ZNF226: variants seen among roughly 807,000 people sequenced by gnomAD.
ZNF226 encodes Kruppel-associated box protein.
A neutral mutation model predicts 11.4 loss-of-function variants in ZNF226; 6 were observed. The observed-to-expected ratio is 0.53, with a 90% confidence interval of 0.29 to 1.04. ZNF226 has a LOEUF of 1.04. Ranked by LOEUF, ZNF226 falls within the 50% of genes least tolerant of loss-of-function variation. The pLI is 0.08. For synonymous variants in ZNF226, 350 were observed against 322.8 expected (o/e 1.08, Z -0.90); for missense variants, 1,058 against 956.5 (o/e 1.11, Z -1.40).
In ZNF226 at chr19:44,170,166, C is replaced by T. The variant is rs565908285; in HGVS notation, c.15+71C>T. 128 of 1,532,192 alleles carry T rather than the reference C, an allele frequency of 8.4e-5. No homozygotes were observed. The African/African-American group carries it at 1.6e-3, about 20-fold the overall frequency. 94.9% of individuals were successfully genotyped at this position (1,532,192 alleles called of 1,614,324 possible). On this transcript the variant is annotated intron_variant, in intron 3 of 5. Coordinates refer to ENST00000337433, the MANE Select transcript of ZNF226 (RefSeq NM_001032373.2). Reference sequence around the variant, plus strand: ...TACTCAGAGATGGAACCAGGTTTTTCTTTTTCAAGTAAGAGTCAAGGCATC... The same window carrying T: ...TACTCAGAGATGGAACCAGGTTTTTTTTTTTCAAGTAAGAGTCAAGGCATC...
At chr19:44,180,166 G>C (rs552248894), downstream of ZNF226, among the ~76,000 whole-genome samples, 13 of 149,158 alleles carry the variant, frequency 8.7e-5, no homozygotes, top group South Asian at 2.2e-4. Flanking sequence ...TGTAATTTTT[G>C]AGGTAAAATT....
chr19:44,167,879 G>A (rs1252600162), intron 2 of ZNF226: 4 of 152,206 alleles, frequency 2.6e-5, no homozygotes, highest in Non-Finnish European at 4.4e-5. Flanking sequence ...CAATTAGGAG[G>A]ACCCTGGTTA....
the ZNF226 span, among the ~76,000 whole-genome samples, chr19:44,188,792 A>G: frequency 1.3e-5 from 2 of 152,232 alleles, no homozygotes; most frequent in Admixed American, 6.5e-5. Flanking sequence ...GAAGAGACAG[A>G]GTCTCTCTAA....
chr19:44,185,208 G>A, the ZNF226 span, among the ~76,000 whole-genome samples: 2 of 152,156 alleles, frequency 1.3e-5, no homozygotes, highest in South Asian at 2.1e-4. Context: ...TGGCTATAAT[G>A]CTGTGATGAA....
Position 44,172,935 on chromosome 19 carries a change from G to C in ZNF226, c.218G>C (p.Arg73Pro). 6.2e-7 allele frequency: 1 copy of C among 1,600,404 alleles called. No individual in the cohort carries two copies. The highest frequency in any genetic ancestry group is 1.1e-5 in the South Asian group (1 of 88,142). The change falls in exon 5 of 6, where the codon CGA (arginine) becomes CCA (proline). Residue 73 changes from arginine (R) to proline (P), a missense_variant. Coordinates refer to ENST00000337433, the MANE Select transcript of ZNF226 (RefSeq NM_001032373.2). Reference protein sequence around the residue: ...EQLWIMTTATRRQGNLGEKNQ... With the variant: ...EQLWIMTTATPRQGNLGEKNQ... Reference sequence around the variant, plus strand: ...CTTTGGATAATGACGACAGCAACCCGAAGACAGGGAAATTTAGGTAAAAAC... The same window carrying C: ...CTTTGGATAATGACGACAGCAACCCCAAGACAGGGAAATTTAGGTAAAAAC...
chr19:44,176,977 C>G lies in ZNF226; in HGVS notation c.1715C>G (p.Ser572Ter), dbSNP rs116372639. The G allele has an allele frequency of 1.2e-6, 2 of 1,613,836 alleles. No individual in the cohort carries two copies. Among genetic ancestry groups the G allele is most frequent in the African/African-American group, 1.3e-5 (1 of 74,894 alleles). ...TGTGGGCAGGGTTTCAATCAGAGCT[C>G]ACGACTTCAGATTCACCAGCTGATC... is the stretch of plus-strand genomic sequence containing the variant. ...EECGQGFNQS[S>*]RLQIHQLIHT... The change falls in exon 6 of 6, where the codon TCA becomes TGA. Residue 572 changes from serine to a stop codon, truncating the protein, a stop_gained. Coordinates refer to ENST00000337433, the MANE Select transcript of ZNF226 (RefSeq NM_001032373.2). LOFTEE classifies it low-confidence loss of function (END_TRUNC).
chr19:44,184,606 C>G, the ZNF226 span, among the ~76,000 whole-genome samples: 2 of 151,510 alleles, frequency 1.3e-5, no homozygotes, highest in Non-Finnish European at 2.9e-5. Context: ...TTCTAAAGGA[C>G]CAGTGGTATC....
chr19:44,171,929 A>G (rs1970142541), intron 3 of ZNF226, among the ~76,000 whole-genome samples, 159 bp from the exon 4 acceptor site: 1 of 152,216 alleles, frequency 6.6e-6, no homozygotes, highest in Non-Finnish European at 1.5e-5. Context: ...TCACAGCAGC[A>G]CTTTTGGTAA....
At position 44,172,173 on chromosome 19, in the gene ZNF226, G is replaced by A. The variant is rs1051775895; in HGVS notation, c.101G>A (p.Arg34Gln). ...GGCCCTGCCCAGAGGAAGCTGTACC[G>A]AGATGTGATGGTGGAGAACTTTAGG... Reference protein sequence around the residue: ...LLGPAQRKLYRDVMVENFRNL... With the variant: ...LLGPAQRKLYQDVMVENFRNL... The change falls in exon 4 of 6, where the codon CGA (arginine) becomes CAA (glutamine). Residue 34 changes from arginine to glutamine, a missense_variant. Transcript: ENST00000337433. 1.9e-6 allele frequency: 3 copies of A among 1,612,822 alleles called. No homozygotes were observed. Among genetic ancestry groups the A allele is most frequent in the East Asian group, 4.5e-5 (2 of 44,796 alleles).
chr19:44,192,764 G>A, the ZNF226 span, among the ~76,000 whole-genome samples: 2 of 152,028 alleles, frequency 1.3e-5, no homozygotes, highest in African/African-American at 2.4e-5. Context: ...TTCAGAAGAC[G>A]GCTGAAAATT....
chr19:44,172,363 G>A (rs2122392730), intron 4 of ZNF226, 149 bp downstream of exon 4: 1 of 1,022,586 alleles, frequency 9.8e-7, no homozygotes, highest in East Asian at 2.8e-5. Flanking sequence ...TTTCTGAACA[G>A]AATATTTTAG....
chr19:44,196,330 G>T, the ZNF226 span, among the ~76,000 whole-genome samples: 1 of 152,180 alleles, frequency 6.6e-6, no homozygotes, highest in Non-Finnish European at 1.5e-5. Context: ...CCCAGTGGGT[G>T]CATGAACAGT....
intron 2 of ZNF226, chr19:44,167,848 A>AT (rs751915687): frequency 2.6e-5 from 4 of 152,156 alleles, no homozygotes; most frequent in Admixed American, 6.5e-5. Context: ...CCACACATGC[A>AT]TGGGGTGTCT....
rs577789425 is a variant in ZNF226, at chr19:44,177,536, GAT to G, written c.2277_2278del (p.Ile759MetfsTer3). Reference protein sequence around the residue: ...HTGEKPYKCEICGKSFSWRSN... With the variant: ...HTGEKPYKCEXCGKSFSWRSN... Reference sequence around the variant, plus strand: ...CTGGGGAGAAACCTTATAAATGTGAGATATGTGGTAAGAGCTTCAGTTGGCGA... The same window carrying G: ...CTGGGGAGAAACCTTATAAATGTGAGATGTGGTAAGAGCTTCAGTTGGCGA... On this transcript the variant is annotated frameshift_variant, in exon 6 of 6. Transcript: ENST00000337433. LOFTEE classifies it low-confidence loss of function (END_TRUNC). The G allele has an allele frequency of 7.9e-5, 128 of 1,614,126 alleles. No individual in the cohort carries two copies. The highest frequency in any genetic ancestry group is 7.6e-4 in the East Asian group (34 of 44,886).
At position 44,176,214 on chromosome 19, in the gene ZNF226, CAG is replaced by C. The variant is rs1287410380; in HGVS notation, c.953_954del (p.Gln318ArgfsTer20). ...TGATGAGTGTGGTAAGGAATTCAGT[CAG>C]GGCGCTCATCTACAGACCCATCAGA... is the stretch of plus-strand genomic sequence containing the variant. ...KCDECGKEFSQGAHLQTHQKV... is the reference protein window; with the variant it reads ...KCDECGKEFSXGAHLQTHQKV... On this transcript the variant is annotated frameshift_variant, in exon 6 of 6. Transcript: ENST00000337433. LOFTEE classifies it low-confidence loss of function (END_TRUNC). 1 of 1,614,100 alleles carries C rather than the reference CAG, an allele frequency of 6.2e-7. No homozygotes were observed. Among genetic ancestry groups the C allele is most frequent in the Non-Finnish European group, 8.5e-7 (1 of 1,180,006 alleles).
chr19:44,176,338 C>T lies in ZNF226; in HGVS notation c.1076C>T (p.Ala359Val). 1 of 1,614,168 alleles carries T rather than the reference C, an allele frequency of 6.2e-7. No homozygotes were observed. Among genetic ancestry groups the T allele is most frequent in the Non-Finnish European group, 8.5e-7 (1 of 1,180,030 alleles). ...AATGTTCATTGCAAGGTCCACACGG[C>T]AGAGAAACCTTATAATTGTGAGGAG... ...ALNVHCKVHT[A>V]EKPYNCEECG... The change falls in exon 6 of 6, where the codon GCA (alanine) becomes GTA (valine). Residue 359 changes from alanine (A) to valine (V), a missense_variant. Transcript: ENST00000337433.
chr19:44,178,601 C>T (rs773776129), downstream of ZNF226, among the ~76,000 whole-genome samples: 45 of 152,158 alleles, frequency 3.0e-4, no homozygotes, highest in Middle Eastern at 0.014. Context: ...CATCAAAAAT[C>T]GATTTTTGGA....
downstream of ZNF226, among the ~76,000 whole-genome samples, chr19:44,179,276 A>G (rs942358720): frequency 1.3e-5 from 2 of 152,184 alleles, no homozygotes; most frequent in Non-Finnish European, 2.9e-5. Context: ...CATCGAAGAG[A>G]ATGCAGGAAT....
At chr19:44,172,288 C>G (rs1970189624) in intron 4 of ZNF226, 74 bp downstream of exon 4, 1 of 1,532,124 alleles carries the variant, frequency 6.5e-7, no homozygotes, top group Non-Finnish European at 8.8e-7. Flanking sequence ...GAAATTGTTC[C>G]CTGAGTGTGG....
Sources: gnomAD v4.1 joint callset for allele counts (sites outside exome capture counted in the v4.1 genomes callset) on GRCh38, gnomAD v4.1.1 for gene constraint, MANE v1.5 for transcripts, NCBI Gene and HGNC (gene_info 2026-07-23, HGNC 2026-07-21) for gene names.